The following PTPRD variants were observed in gnomAD, a reference collection of about 807,000 sequenced individuals.
PTPRD encodes the protein protein tyrosine phosphatase receptor type D.
In PTPRD, 34 loss-of-function variants were observed where a neutral mutation model predicts 214.5. The observed-to-expected ratio is 0.16, with a 90% CI of 0.12 to 0.21. PTPRD has a LOEUF of 0.21. PTPRD is among the 10% of genes least tolerant of loss of function. The probability of loss-of-function intolerance (pLI) is 1.00; values close to 1 mark genes in which losing one functional copy is unlikely to be tolerated. For synonymous variants in PTPRD, 1,128 were observed against 845.7 expected, an observed-to-expected ratio of 1.33 and a Z score of -5.79; for missense variants, 2,545 against 2,398.7, an observed-to-expected ratio of 1.06 and a Z score of -1.27.
At chr9:8,615,770 C>A (rs1239464369) in intron 14 of PTPRD, among the ~76,000 whole-genome samples, 12 of 151,998 alleles carry the variant, frequency 7.9e-5, no homozygotes. Flanking sequence ...GAGGAAAATG[C>A]ATGCCCCAAT....
chr9:8,898,952 T>C (rs998703888), intron 11 of PTPRD, among the ~76,000 whole-genome samples: 1 of 152,122 alleles, frequency 6.6e-6, no homozygotes, highest in African/African-American at 2.4e-5. Context: ...GGAAGGCAAA[T>C]AGGCAATAAT....
At chr9:9,284,875 T>C (rs1454774720) in intron 9 of PTPRD, among the ~76,000 whole-genome samples, 2 of 151,768 alleles carry the variant, frequency 1.3e-5, no homozygotes, top group Admixed American at 6.6e-5. Flanking sequence ...TTTTGGAAAA[T>C]ATGATGAACA....
intron 10 of PTPRD, among the ~76,000 whole-genome samples, chr9:9,102,699 G>C (rs1274064270): frequency 6.6e-6 from 1 of 152,156 alleles, no homozygotes; most frequent in Non-Finnish European, 1.5e-5. Context: ...ATTGTTTTAC[G>C]ATGTGATCAT....
intron 3 of PTPRD, among the ~76,000 whole-genome samples, chr9:10,093,702 T>G (rs1026009757): frequency 6.6e-6 from 1 of 151,448 alleles, no homozygotes; most frequent in African/African-American, 2.4e-5. Context: ...CAGGTGCCCA[T>G]CTATGGTGGA....
intron 10 of PTPRD, among the ~76,000 whole-genome samples, chr9:9,065,583 T>C (rs1424073501): frequency 6.6e-6 from 1 of 152,136 alleles, no homozygotes; most frequent in Non-Finnish European, 1.5e-5. Context: ...AGTGACAATA[T>C]CTGAGTTATA....
chr9:9,589,654 T>C (rs1307312953), intron 7 of PTPRD, among the ~76,000 whole-genome samples: 1 of 152,078 alleles, frequency 6.6e-6, no homozygotes, highest in East Asian at 1.9e-4. Context: ...TATGTGTTAC[T>C]GGATTTTTAA....
intron 12 of PTPRD, among the ~76,000 whole-genome samples, chr9:8,726,386 C>T (rs1234093998): frequency 3.3e-5 from 5 of 150,580 alleles, no homozygotes; most frequent in Admixed American, 1.3e-4. Context: ...CTCAGGAGTT[C>T]GAGACCAGCC....
intron 9 of PTPRD, among the ~76,000 whole-genome samples, chr9:9,373,247 A>T (rs2059987681): frequency 6.6e-6 from 1 of 152,086 alleles, no homozygotes; most frequent in Non-Finnish European, 1.5e-5. Flanking sequence ...CAAGCTACTT[A>T]AACTCCCAGT....
chr9:9,442,392 A>T (rs1248707244), intron 8 of PTPRD: 1 of 152,146 alleles, frequency 6.6e-6, no homozygotes, highest in Non-Finnish European at 1.5e-5. Context: ...GTGACAGGTA[A>T]CTTTTCATTC....
intron 3 of PTPRD, among the ~76,000 whole-genome samples, chr9:10,171,871 T>C (rs532839242): frequency 4.3e-4 from 66 of 152,286 alleles, no homozygotes; most frequent in African/African-American, 1.4e-3. Flanking sequence ...ACCCCCATCA[T>C]GCTGTTTTTT....
chr9:9,271,027 A>C (rs1294338073), intron 9 of PTPRD, among the ~76,000 whole-genome samples: 1 of 151,306 alleles, frequency 6.6e-6, no homozygotes, highest in East Asian at 2.0e-4. Flanking sequence ...TATTTTGATC[A>C]TGTTAAGTTT....
intron 12 of PTPRD, among the ~76,000 whole-genome samples, chr9:8,638,271 G>A (rs1016301726): frequency 2.6e-5 from 4 of 151,988 alleles, no homozygotes; most frequent in African/African-American, 9.7e-5. Context: ...AACAAAGTTT[G>A]TTCTTCTTGG....
intron 11 of PTPRD, among the ~76,000 whole-genome samples, chr9:8,845,771 C>T (rs968556183): frequency 5.9e-5 from 9 of 151,946 alleles, no homozygotes; most frequent in African/African-American, 2.2e-4. Flanking sequence ...CATTTACCAC[C>T]AGCATATTTT....
intron 4 of PTPRD, among the ~76,000 whole-genome samples, chr9:9,943,398 C>T (rs979776519): frequency 1.3e-5 from 2 of 152,060 alleles, no homozygotes; most frequent in African/African-American, 4.8e-5. Flanking sequence ...AACGTCAGGT[C>T]AGTAAGAAGT....
chr9:8,845,682 A>G (rs1033997582), intron 11 of PTPRD, among the ~76,000 whole-genome samples: 1 of 152,248 alleles, frequency 6.6e-6, no homozygotes, highest in African/African-American at 2.4e-5. Flanking sequence ...GAAAATGTCC[A>G]CAGCTCAACA....
intron 7 of PTPRD, among the ~76,000 whole-genome samples, chr9:9,643,649 A>C (rs1012135368): frequency 2.0e-5 from 3 of 152,190 alleles, no homozygotes; most frequent in Non-Finnish European, 4.4e-5. Context: ...TCAAACGAAC[A>C]AAATCTATTT....
chr9:9,560,472 C>T (rs759642374), intron 8 of PTPRD, among the ~76,000 whole-genome samples: 4 of 152,306 alleles, frequency 2.6e-5, no homozygotes, highest in East Asian at 1.9e-4. Flanking sequence ...GGTGCTTCAG[C>T]GCCTCCTCCA....
intron 8 of PTPRD, among the ~76,000 whole-genome samples, chr9:9,428,797 A>G (rs774767062): frequency 6.6e-6 from 1 of 152,222 alleles, no homozygotes; most frequent in South Asian, 2.1e-4. Flanking sequence ...CTGCTCCTGA[A>G]TGACTACTGG....
chr9:10,126,426 T>C (rs464075), intron 3 of PTPRD, among the ~76,000 whole-genome samples: 2,677 of 96,198 alleles, frequency 0.028, 48 homozygotes, highest in Middle Eastern at 0.048. Context: ...GTTTTATATA[T>C]ACACACACAC....
Sources: gnomAD v4.1 joint callset for allele counts (sites outside exome capture counted in the v4.1 genomes callset) on GRCh38, gnomAD v4.1.1 for gene constraint, MANE v1.5 for transcripts, NCBI Gene and HGNC (gene_info 2026-07-23, HGNC 2026-07-21) for gene names.